Variants in UGDH observed in about 807,000 individuals in gnomAD.
UGDH encodes the protein UDP-Glc dehydrogenase.
In UGDH, 38 loss-of-function variants were observed where a neutral mutation model predicts 50.6. That is an observed-to-expected ratio of 0.75 (90% CI 0.58 to 0.98). The LOEUF (loss-of-function observed/expected upper bound fraction) is 0.98. Among genes scored for constraint, UGDH ranks in the 50% least tolerant of loss-of-function variants. The pLI, the probability that UGDH is intolerant of heterozygous loss-of-function variation, is 0.00. For synonymous variants in UGDH, 168 were observed against 199.9 expected (o/e 0.84, Z 1.35); for missense variants, 465 against 606.2 (o/e 0.77, Z 2.45).
At chr4:39,504,637 T>C in intron 9 of UGDH, 129 bp from the exon 10 acceptor site, 1 of 809,334 alleles carries the variant, frequency 1.2e-6, no homozygotes, top group South Asian at 1.6e-5. Context: ...TGGAGAGTAC[T>C]GAACCCTATA....
At chr4:39,514,004 G>T in intron 3 of UGDH, 79 bp downstream of exon 3, 1 of 1,194,314 alleles carries the variant, frequency 8.4e-7, no homozygotes, top group Non-Finnish European at 1.2e-6. Flanking sequence ...AATACCAATG[G>T]ATTTACTATT....
At chr4:39,501,903 C>G (rs1745832976) in intron 11 of UGDH, among the ~76,000 whole-genome samples, 1 of 152,154 alleles carries the variant, frequency 6.6e-6, no homozygotes, top group African/African-American at 2.4e-5. Flanking sequence ...CAGAGATAAA[C>G]ATACTACTCA....
In UGDH at chr4:39,514,092, T is replaced by A; in HGVS notation, c.255A>T (p.Val85=). The change falls in exon 3 of 12, where the codon GTA becomes GTT. Residue 85 remains valine (V), a synonymous_variant. Coordinates refer to ENST00000316423, the MANE Select transcript of UGDH (RefSeq NM_003359.4). ...IDDAIKEADL[V]FISVNTPTKT... is the part of the protein sequence containing the mutation. Reference sequence around the variant, plus strand: ...AAAGGAAAATACTTACAGAAATAAATACAAGATCAGCTTCTTTGATGGCAT... The same window carrying A: ...AAAGGAAAATACTTACAGAAATAAAAACAAGATCAGCTTCTTTGATGGCAT... 1 of 1,587,938 alleles carries A rather than the reference T, an allele frequency of 6.3e-7. No homozygotes were observed. The highest frequency in any genetic ancestry group is 8.5e-7 in the Non-Finnish European group (1 of 1,171,208).
chr4:39,504,667 GT>G (rs1246229080), intron 9 of UGDH, among the ~76,000 whole-genome samples, 159 bp from the exon 10 acceptor site: 1 of 152,142 alleles, frequency 6.6e-6, no homozygotes, highest in Non-Finnish European at 1.5e-5. Flanking sequence ...ACACATACCT[GT>G]TTTTTGAATC....
In UGDH at chr4:39,499,994, C is replaced by A; in HGVS notation, c.*149G>T. On this transcript the variant is annotated 3_prime_UTR_variant, in exon 12 of 12. Transcript: ENST00000316423. The stretch of plus-strand genomic sequence containing the variant: ...GCAGTGAGCCGAGATTGCACCACTG[C>A]ACTCCAGCCTGGGCAACAGTGAGAC... 2.0e-6 allele frequency: 1 copy of A among 501,974 alleles called. No homozygotes were observed. The highest frequency in any genetic ancestry group is 3.6e-6 in the Non-Finnish European group (1 of 279,700). The allele number at this position is 501,974 out of a possible 1,614,324, so 31.1% of individuals were successfully genotyped here.
Position 39,499,056 on chromosome 4 carries a change from T to C in UGDH, c.*1087A>G, listed in dbSNP as rs1745692014. On this transcript the variant is annotated 3_prime_UTR_variant, in exon 12 of 12. Coordinates refer to ENST00000316423, the MANE Select transcript of UGDH (RefSeq NM_003359.4). Reference sequence around the variant, plus strand: ...AAATTCTTATTTTAGAATGATGCTATATGTAACTTGTAAAATATTTAAGTT... The same window carrying C: ...AAATTCTTATTTTAGAATGATGCTACATGTAACTTGTAAAATATTTAAGTT... 6.6e-6 allele frequency: 1 copy of C among 152,170 alleles called. No individual in the cohort carries two copies. Among genetic ancestry groups the C allele is most frequent in the Non-Finnish European group, 1.5e-5 (1 of 68,032 alleles). 9.4% of individuals were successfully genotyped at this position (152,170 alleles called of 1,614,324 possible). A position where few individuals can be genotyped will look rare whatever the true frequency, so the allele number is the denominator to read the frequency against.
Position 39,527,410 on chromosome 4 carries a change from G to A in UGDH, c.-135C>T, listed in dbSNP as rs1746957067. 4.1e-6 allele frequency: 1 copy of A among 245,056 alleles called. No individual in the cohort carries two copies. The allele number at this position is 245,056 out of a possible 1,614,324, so 15.2% of individuals were successfully genotyped here. A position where few individuals can be genotyped will look rare whatever the true frequency, so the allele number is the denominator to read the frequency against. On this transcript the variant is annotated 5_prime_UTR_variant, in exon 1 of 12. Coordinates refer to ENST00000316423, the MANE Select transcript of UGDH (RefSeq NM_003359.4). ...CGATCTGAGCTCCCTCTCGGCGCAC[G>A]CCCCTCCCTCAGGCTGCCACGCGTT...
chr4:39,525,748 A>G (rs1746859306), intron 1 of UGDH, among the ~76,000 whole-genome samples: 1 of 151,590 alleles, frequency 6.6e-6, no homozygotes, highest in African/African-American at 2.4e-5. Flanking sequence ...TGACCTCGTG[A>G]TCCGCCCGTC....
chr4:39,517,294 C>T (rs1746475183), intron 2 of UGDH, among the ~76,000 whole-genome samples: 2 of 151,698 alleles, frequency 1.3e-5, no homozygotes, highest in African/African-American at 4.8e-5. Context: ...CCTCCACCTC[C>T]TGGGTTCAAG....
intron 3 of UGDH, among the ~76,000 whole-genome samples, chr4:39,512,609 C>A (rs1746284641): frequency 6.6e-6 from 1 of 152,150 alleles, no homozygotes. Context: ...GAAAATTATT[C>A]TATTACCATT....
At chr4:39,503,472 A>G (rs957513270) in intron 11 of UGDH, among the ~76,000 whole-genome samples, 12 of 152,234 alleles carry the variant, frequency 7.9e-5, no homozygotes, top group African/African-American at 2.9e-4. Context: ...ACACCTGCTG[A>G]TTGACCAAGA....
In UGDH at chr4:39,524,039, A is replaced by C. The variant is rs201572595; in HGVS notation, c.-7-2520T>G. The stretch of plus-strand genomic sequence containing the variant: ...GTCTTTCTAAATTCAATAGAATACC[A>C]TATATACTATTAACACCTGGCTTTT... On this transcript the variant is annotated intron_variant, in intron 1 of 11. Coordinates refer to ENST00000316423, the MANE Select transcript of UGDH (RefSeq NM_003359.4). Among the ~76,000 whole-genome samples the C allele has an allele frequency of 2.8e-4, 42 of 152,266 alleles. 1 individual carries two copies. The East Asian group carries it at 7.7e-3, about 28-fold the overall frequency.
In UGDH at chr4:39,503,890, T is replaced by C. The variant is rs766784095; in HGVS notation, c.1359A>G (p.Gln453=). 1 of 1,614,024 alleles carries C rather than the reference T, an allele frequency of 6.2e-7. No homozygotes were observed. The highest frequency in any genetic ancestry group is 1.7e-5 in the Admixed American group (1 of 59,990). Residue 453 remains glutamine (Q), a synonymous_variant, in exon 11 of 12, where the codon CAA becomes CAG. Transcript: ENST00000316423. The stretch of plus-strand genomic sequence containing the variant: ...TCATGATTACCTGGAAGCCAATGGT[T>C]TGTAGTTCATTGTGGAGCCCATCCA... The part of the protein sequence containing the change: ...RVLDGLHNEL[Q]TIGFQIETIG...
At chr4:39,517,010 T>A (rs1700402373) in intron 2 of UGDH, among the ~76,000 whole-genome samples, 1 of 152,152 alleles carries the variant, frequency 6.6e-6, no homozygotes, top group South Asian at 2.1e-4. Flanking sequence ...CAGAAGCAGT[T>A]AATAATATAG....
Position 39,509,806 on chromosome 4 carries a change from A to G in UGDH, c.765T>C (p.Ile255=). The change falls in exon 6 of 12, where the codon ATT becomes ATC. Residue 255 remains isoleucine, a synonymous_variant. Coordinates refer to ENST00000316423, the MANE Select transcript of UGDH (RefSeq NM_003359.4). Reference sequence around the variant, plus strand: ...TGTTTCCAATTCTCTGGTCCATTCCAATCGCTGTTGCTACCTCTTCTACAT... The same window carrying G: ...TGTTTCCAATTCTCTGGTCCATTCCGATCGCTGTTGCTACCTCTTCTACAT... ...GADVEEVATA[I]GMDQRIGNKF... 1 of 1,613,364 alleles carries G rather than the reference A, an allele frequency of 6.2e-7. No individual in the cohort carries two copies. The highest frequency in any genetic ancestry group is 1.1e-5 in the South Asian group (1 of 90,932).
intron 11 of UGDH, among the ~76,000 whole-genome samples, chr4:39,501,216 T>C (rs1745796846): frequency 6.6e-6 from 1 of 151,858 alleles, no homozygotes; most frequent in Non-Finnish European, 1.5e-5. Flanking sequence ...TCCATCCGCC[T>C]TGGCCTCCCA....
intron 2 of UGDH, among the ~76,000 whole-genome samples, chr4:39,520,489 T>TA (rs5857682): frequency 0.16 from 24,373 of 150,260 alleles, 3,280 homozygotes; most frequent in African/African-American, 0.36. Context: ...AGTGAAATAA[T>TA]AAAAAAAAAG....
Position 39,510,807 on chromosome 4 carries a change from T to C in UGDH, c.319A>G (p.Lys107Glu). 6.2e-7 allele frequency: 1 copy of C among 1,614,208 alleles called. No individual in the cohort carries two copies. The highest frequency in any genetic ancestry group is 8.5e-7 in the Non-Finnish European group (1 of 1,180,054). ...GMGKGRAADL[K>E]YIEACARRIV... ...CGTCTAGCACAAGCTTCAATATACT[T>C]CAGATCTGCTGCCCGGCCTTTCCCC... is the stretch of plus-strand genomic sequence containing the variant. Residue 107 changes from lysine to glutamate, a missense_variant, in exon 4 of 12, where the codon AAG becomes GAG. Physicochemically the swap from Lys to Glu is moderately conservative, Grantham distance 56. Coordinates refer to ENST00000316423, the MANE Select transcript of UGDH (RefSeq NM_003359.4).
At chr4:39,510,219 G>T in intron 5 of UGDH, 134 bp downstream of exon 5, 2 of 907,084 alleles carry the variant, frequency 2.2e-6, no homozygotes, top group Non-Finnish European at 3.3e-6. Context: ...TTCATAATTT[G>T]AATGTGCAAG....
Sources: gnomAD v4.1 joint callset for allele counts (sites outside exome capture counted in the v4.1 genomes callset) on GRCh38, gnomAD v4.1.1 for gene constraint, MANE v1.5 for transcripts, NCBI Gene and HGNC (gene_info 2026-07-23, HGNC 2026-07-21) for gene names.